The following RAPGEF4 variants were observed in gnomAD, a reference collection of about 807,000 sequenced individuals.
RAPGEF4 encodes the protein RAP guanine-nucleotide-exchange factor (GEF) 4.
A neutral mutation model predicts 147.9 loss-of-function variants in RAPGEF4; 66 were observed. The ratio of observed to expected loss-of-function variants is 0.45; its 90% CI spans 0.37 to 0.55. The LOEUF is 0.55. Among genes scored for constraint, RAPGEF4 ranks in the 20% least tolerant of loss-of-function variants. The pLI is 0.00. For synonymous variants in RAPGEF4, 419 were observed against 442.7 expected (o/e 0.95, Z 0.67); for missense variants, 1,071 against 1,257.3 (o/e 0.85, Z 2.24).
intron 1 of RAPGEF4, among the ~76,000 whole-genome samples, chr2:172,775,952 C>A (rs1316558651): frequency 6.6e-6 from 1 of 152,032 alleles, no homozygotes; most frequent in Non-Finnish European, 1.5e-5. Flanking sequence ...TAAGTCAGAG[C>A]CATGAAGAGT....
At chr2:172,821,517 C>T in intron 4 of RAPGEF4, 2 of 897,554 alleles carry the variant, frequency 2.2e-6, no homozygotes, top group Non-Finnish European at 2.7e-6. Context: ...GCCAAGACTT[C>T]ATGCCAGGAA....
chr2:172,994,199 C>T (rs1190828692), intron 15 of RAPGEF4, among the ~76,000 whole-genome samples: 1 of 152,186 alleles, frequency 6.6e-6, no homozygotes, highest in African/African-American at 2.4e-5. Context: ...ATTCAGTTTT[C>T]ATGTTATGGA....
intron 6 of RAPGEF4, among the ~76,000 whole-genome samples, chr2:172,960,469 T>C (rs1689169206): frequency 6.6e-6 from 1 of 152,194 alleles, no homozygotes; most frequent in Admixed American, 6.5e-5. Flanking sequence ...AGGCTCTGAA[T>C]AGATATTTAT....
At chr2:172,735,820 G>T, upstream of RAPGEF4, 1 of 402,760 alleles carries the variant, frequency 2.5e-6, no homozygotes, top group Non-Finnish European at 3.7e-6. Flanking sequence ...CACCGCCCCA[G>T]GCCGCGGGAG....
chr2:172,884,066 A>G (rs1345483239), intron 4 of RAPGEF4, among the ~76,000 whole-genome samples: 2 of 152,192 alleles, frequency 1.3e-5, no homozygotes, highest in East Asian at 3.9e-4. Flanking sequence ...AACTGTTGCC[A>G]CAGCAATTTT....
At chr2:172,941,293 A>AT (rs1254345654) in intron 6 of RAPGEF4, among the ~76,000 whole-genome samples, 1 of 152,106 alleles carries the variant, frequency 6.6e-6, no homozygotes, top group African/African-American at 2.4e-5. Flanking sequence ...TAATGTAATA[A>AT]TTTTTACCTT....
At chr2:172,899,568 C>T (rs1698854085) in intron 4 of RAPGEF4, among the ~76,000 whole-genome samples, 1 of 152,132 alleles carries the variant, frequency 6.6e-6, no homozygotes, top group Admixed American at 6.6e-5. Context: ...ATAAGGCTGA[C>T]CCCTGAGGAC....
intron 24 of RAPGEF4, 37 bp from the exon 25 acceptor site, chr2:173,027,044 A>C (rs749488806): frequency 2.0e-6 from 3 of 1,536,770 alleles, no homozygotes; most frequent in Non-Finnish European, 2.6e-6. Context: ...TTTGATTTAA[A>C]AAAAAATAAG....
intron 2 of RAPGEF4, among the ~76,000 whole-genome samples, chr2:172,795,891 G>A (rs533885960): frequency 5.3e-5 from 8 of 152,286 alleles, no homozygotes; most frequent in African/African-American, 1.9e-4. Context: ...CCTCAGACTT[G>A]TCCCAAATTG....
intron 25 of RAPGEF4, 135 bp downstream of exon 25, chr2:173,027,394 A>G: frequency 1.6e-6 from 1 of 619,772 alleles, no homozygotes; most frequent in Non-Finnish European, 2.6e-6. Flanking sequence ...CTTAGGAATA[A>G]CCAAACTCTT....
chr2:172,773,719 C>G (rs577022563), intron 1 of RAPGEF4, among the ~76,000 whole-genome samples: 15 of 151,258 alleles, frequency 9.9e-5, no homozygotes, highest in Non-Finnish European at 2.1e-4. Context: ...GACCCACTGA[C>G]TTGGAGCTGG....
intron 1 of RAPGEF4, among the ~76,000 whole-genome samples, chr2:172,771,805 C>T (rs1683645992): frequency 6.6e-6 from 1 of 152,068 alleles, no homozygotes; most frequent in Non-Finnish European, 1.5e-5. Context: ...TAAGTAAACT[C>T]TAAACAATGA....
At chr2:172,843,092 G>A (rs879401178) in intron 4 of RAPGEF4, among the ~76,000 whole-genome samples, 21 of 152,320 alleles carry the variant, frequency 1.4e-4, no homozygotes, top group Non-Finnish European at 2.6e-4. Context: ...TGGTTGGAGT[G>A]TGCAGGATCG....
At position 173,026,664 on chromosome 2, in the gene RAPGEF4, T is replaced by G; in HGVS notation, c.2346T>G (p.Ile782Met). ...AAGATTTAGCATACCAGATGACAAT[T>G]TATGATTGGGAACTCTTCAACTGCG... The part of the protein sequence containing the change: ...SSKDLAYQMT[I>M]YDWELFNCVH... Residue 782 changes from isoleucine (I) to methionine (M), a missense_variant, in exon 24 of 31, where the codon ATT (isoleucine) becomes ATG (methionine). Transcript: ENST00000397081. The G allele has an allele frequency of 6.2e-7, 1 of 1,614,068 alleles. No homozygotes were observed. The highest frequency in any genetic ancestry group is 1.7e-5 in the Admixed American group (1 of 60,012).
At chr2:172,863,360 T>G (rs1021868391) in intron 4 of RAPGEF4, among the ~76,000 whole-genome samples, 3 of 152,204 alleles carry the variant, frequency 2.0e-5, no homozygotes, top group African/African-American at 2.4e-5. Context: ...AGAATGAGAA[T>G]TCAAAGGAAT....
intron 1 of RAPGEF4, among the ~76,000 whole-genome samples, chr2:172,783,091 C>A (rs994630245): frequency 6.6e-6 from 1 of 152,202 alleles, no homozygotes. Flanking sequence ...TCTTCACTTA[C>A]AAATGCAGGG....
chr2:172,850,600 A>G (rs1215156435), intron 4 of RAPGEF4, among the ~76,000 whole-genome samples: 1 of 152,042 alleles, frequency 6.6e-6, no homozygotes, highest in African/African-American at 2.4e-5. Flanking sequence ...CCTGGGCCAC[A>G]GAGCGAGACT....
chr2:172,809,597 C>A (rs1183920800), intron 3 of RAPGEF4, among the ~76,000 whole-genome samples: 1 of 152,080 alleles, frequency 6.6e-6, no homozygotes, highest in African/African-American at 2.4e-5. Context: ...ATGGTGGGAT[C>A]ATAGCCTACT....
chr2:173,003,199 C>T (rs1421314896), intron 17 of RAPGEF4, among the ~76,000 whole-genome samples: 1 of 151,836 alleles, frequency 6.6e-6, no homozygotes. Context: ...TGACTGAGAA[C>T]ATTCAAATCA....
Sources: gnomAD v4.1 joint callset for allele counts (sites outside exome capture counted in the v4.1 genomes callset) on GRCh38, gnomAD v4.1.1 for gene constraint, MANE v1.5 for transcripts, NCBI Gene and HGNC (gene_info 2026-07-23, HGNC 2026-07-21) for gene names.